PARD6G: variants seen among roughly 807,000 people sequenced by gnomAD.
PARD6G encodes the protein partitioning defective 6 homolog gamma.
A neutral mutation model predicts 10.7 loss-of-function variants in PARD6G; 7 were observed. That is an observed-to-expected ratio of 0.66 (90% CI 0.37 to 1.23). The LOEUF is 1.23. Ranked by LOEUF, PARD6G falls within the 50% of genes most tolerant of loss-of-function variation. PARD6G has a pLI of 0.02. For missense variants in PARD6G, 548 were observed against 571.8 expected, an observed-to-expected ratio of 0.96 and a Z score of 0.42; for synonymous variants, 287 against 269.4, an observed-to-expected ratio of 1.07 and a Z score of -0.64.
Position 80,159,841 on chromosome 18 carries a change from G to A in PARD6G, c.1061C>T (p.Ala354Val), listed in dbSNP as rs555385464. The stretch of plus-strand genomic sequence containing the variant: ...CAGCGCCAGGCTGTGACGGGGGTCG[G>A]CCCGCAGGGAGCTGAGCAGCCGCTG... ...GLQRLLSSLR[A>V]DPRHSLALPP... is the part of the protein sequence containing the mutation. The change falls in exon 3 of 3, where the codon GCC becomes GTC. Residue 354 changes from alanine to valine, a missense_variant. Coordinates refer to ENST00000353265, the MANE Select transcript of PARD6G (RefSeq NM_032510.4). The A allele has an allele frequency of 6.7e-7, 1 of 1,495,132 alleles. No individual in the cohort carries two copies. Among genetic ancestry groups the A allele is most frequent in the South Asian group, 1.3e-5 (1 of 77,296 alleles). The allele number at this position is 1,495,132 out of a possible 1,614,324, so 92.6% of individuals were successfully genotyped here. A position where few individuals can be genotyped will look rare whatever the true frequency, so the allele number is the denominator to read the frequency against.
intron 2 of PARD6G, among the ~76,000 whole-genome samples, chr18:80,164,522 T>TG (rs765226687): frequency 3.3e-5 from 5 of 152,214 alleles, no homozygotes; most frequent in African/African-American, 7.2e-5. Context: ...AGGATGAAAC[T>TG]GGGGGGTCCT....
intron 1 of PARD6G, among the ~76,000 whole-genome samples, chr18:80,238,199 G>T (rs1237526928): frequency 6.6e-6 from 1 of 152,150 alleles, no homozygotes; most frequent in African/African-American, 2.4e-5. Context: ...TAGGGACATG[G>T]ATGAAGCTGG....
Position 80,231,566 on chromosome 18 carries a change from A to T in PARD6G, c.72+15711T>A, listed in dbSNP as rs922196176. ...CACCTGGGTTCCAATCCTCACCTGT[A>T]CTGGCTGTGTAACTCTGGATAATTT... On this transcript the variant is annotated intron_variant, in intron 1 of 2. Transcript: ENST00000353265. This position sits in a 1 kb window ranked among gnomAD's most constrained non-coding sequence, Gnocchi z 4.2. 6.6e-6 allele frequency among the ~76,000 whole-genome samples: 1 copy of T among 152,168 alleles called. No individual in the cohort carries two copies. Among genetic ancestry groups the T allele is most frequent in the Non-Finnish European group, 1.5e-5 (1 of 68,030 alleles).
At chr18:80,235,130 T>A (rs940227618) in intron 1 of PARD6G, among the ~76,000 whole-genome samples, 5 of 151,994 alleles carry the variant, frequency 3.3e-5, no homozygotes, top group Non-Finnish European at 7.4e-5. Context: ...TCAGCAAATG[T>A]AAAAGAATAG....
intron 1 of PARD6G, among the ~76,000 whole-genome samples, chr18:80,241,453 ATTG>A (rs1967488813): frequency 6.9e-6 from 1 of 145,076 alleles, no homozygotes; most frequent in African/African-American, 2.9e-5. Context: ...ACTATCTGCA[ATTG>A]CAATGCATTT....
intron 1 of PARD6G, among the ~76,000 whole-genome samples, chr18:80,220,645 G>A (rs368586412): frequency 9.9e-5 from 15 of 151,566 alleles, no homozygotes; most frequent in African/African-American, 3.6e-4. Flanking sequence ...AAATCTCTCT[G>A]TGTCACCCAG....
At chr18:80,185,224 A>G (rs2052867674) in intron 2 of PARD6G, among the ~76,000 whole-genome samples, 1 of 152,104 alleles carries the variant, frequency 6.6e-6, no homozygotes, top group African/African-American at 2.4e-5. Flanking sequence ...ATCTGGTGTG[A>G]TGTGCCTCGC....
At chr18:80,242,960 T>G (rs1199560441) in intron 1 of PARD6G, among the ~76,000 whole-genome samples, 1 of 152,136 alleles carries the variant, frequency 6.6e-6, no homozygotes, top group Non-Finnish European at 1.5e-5. Context: ...ACAGCATCTA[T>G]AAATTGGTAA....
At chr18:80,237,380 C>T (rs578188628) in intron 1 of PARD6G, among the ~76,000 whole-genome samples, 63 of 152,142 alleles carry the variant, frequency 4.1e-4, no homozygotes, top group Non-Finnish European at 8.1e-4. Context: ...AAATGTTAGA[C>T]CTAAAACCAA....
intron 1 of PARD6G, among the ~76,000 whole-genome samples, chr18:80,227,345 A>G (rs2145298938): frequency 6.6e-6 from 1 of 152,350 alleles, no homozygotes; most frequent in East Asian, 1.9e-4. Context: ...GTTTGAGCAC[A>G]AAGTCATGAA....
chr18:80,235,037 C>T (rs546039999), intron 1 of PARD6G, among the ~76,000 whole-genome samples: 2 of 152,264 alleles, frequency 1.3e-5, no homozygotes, highest in Admixed American at 6.5e-5. Flanking sequence ...CTCTCCACCC[C>T]AAATCAACAG....
chr18:80,186,301 A>T (rs533512819), intron 2 of PARD6G, among the ~76,000 whole-genome samples: 1 of 137,766 alleles, frequency 7.3e-6, no homozygotes, highest in African/African-American at 2.8e-5. Context: ...ACACACCGTC[A>T]TGCACACATG....
At chr18:80,187,579 C>A (rs983473581) in intron 2 of PARD6G, among the ~76,000 whole-genome samples, 7 of 152,294 alleles carry the variant, frequency 4.6e-5, no homozygotes, top group East Asian at 1.9e-4. Context: ...GACACCCTAG[C>A]CCCTTCCCTC....
intron 1 of PARD6G, among the ~76,000 whole-genome samples, chr18:80,222,482 T>C (rs529188878): frequency 1.2e-4 from 18 of 152,308 alleles, no homozygotes; most frequent in African/African-American, 4.1e-4. Flanking sequence ...TCTTCTGTAG[T>C]AGTCAGCAAG....
At chr18:80,166,338 G>A (rs1336320068) in intron 2 of PARD6G, among the ~76,000 whole-genome samples, 1 of 151,320 alleles carries the variant, frequency 6.6e-6, no homozygotes, top group African/African-American at 2.4e-5. Flanking sequence ...AGGGCTGCAA[G>A]TGTCTCTCTC....
At chr18:80,204,098 G>C (rs958304344) in intron 1 of PARD6G, among the ~76,000 whole-genome samples, 1 of 152,188 alleles carries the variant, frequency 6.6e-6, no homozygotes, top group Non-Finnish European at 1.5e-5. Flanking sequence ...CATGAGGTTA[G>C]GGTCATGCCC....
chr18:80,176,966 T>A (rs2052811834), intron 2 of PARD6G, among the ~76,000 whole-genome samples: 1 of 138,070 alleles, frequency 7.2e-6, no homozygotes, highest in Non-Finnish European at 1.6e-5. Context: ...CACACAGGCA[T>A]GTGCACACAC....
chr18:80,173,546 A>G (rs1347729355), intron 2 of PARD6G, among the ~76,000 whole-genome samples: 2 of 151,838 alleles, frequency 1.3e-5, no homozygotes, highest in South Asian at 2.1e-4. Flanking sequence ...AATCGCTTGA[A>G]CCCAGGAGGC....
intron 1 of PARD6G, among the ~76,000 whole-genome samples, chr18:80,209,402 C>T (rs1446775423): frequency 6.6e-6 from 1 of 152,052 alleles, no homozygotes; most frequent in Non-Finnish European, 1.5e-5. Flanking sequence ...TGTAGTTGAC[C>T]CCAACTATTA....
Sources: gnomAD v4.1 joint callset for allele counts (sites outside exome capture counted in the v4.1 genomes callset) on GRCh38, gnomAD v4.1.1 for gene constraint, Gnocchi (gnomAD v3.1) non-coding constraint, MANE v1.5 for transcripts, NCBI Gene and HGNC (gene_info 2026-07-23, HGNC 2026-07-21) for gene names.